The following WDPCP variants were observed in gnomAD, a reference collection of about 807,000 sequenced individuals.
WDPCP encodes WD repeat containing planar cell polarity effector.
A neutral mutation model predicts 93.1 loss-of-function variants in WDPCP; 71 were observed. The observed-to-expected ratio is 0.76, with a 90% confidence interval of 0.63 to 0.93. WDPCP has a LOEUF of 0.93. Among genes scored for constraint, WDPCP ranks in the 40% least tolerant of loss-of-function variants. The pLI is 0.00. For missense variants in WDPCP, 844 were observed against 887.4 expected (o/e 0.95, Z 0.62); for synonymous variants, 315 against 315.0 (o/e 1.00, Z 0.00).
At chr2:63,299,278 G>A (rs1685140454) in intron 13 of WDPCP, among the ~76,000 whole-genome samples, 1 of 152,178 alleles carries the variant, frequency 6.6e-6, no homozygotes, top group Non-Finnish European at 1.5e-5. Flanking sequence ...CAGCCCATTG[G>A]CTACTATGCC....
intron 12 of WDPCP, among the ~76,000 whole-genome samples, chr2:63,355,282 A>G (rs969295275): frequency 3.3e-5 from 5 of 152,200 alleles, no homozygotes; most frequent in African/African-American, 9.7e-5. Context: ...GAGATTGGGC[A>G]CCTATATTCA....
chr2:63,759,392 T>C (rs1670019163), intron 2 of WDPCP, among the ~76,000 whole-genome samples: 1 of 152,138 alleles, frequency 6.6e-6, no homozygotes, highest in Non-Finnish European at 1.5e-5. Flanking sequence ...GGACACTCCA[T>C]ATTAGGAAAT....
At chr2:63,415,138 G>T (rs1239798758) in intron 9 of WDPCP, among the ~76,000 whole-genome samples, 3 of 152,168 alleles carry the variant, frequency 2.0e-5, no homozygotes, top group Non-Finnish European at 2.9e-5. Flanking sequence ...AAGGCGGGAG[G>T]ATTACTTGAG....
intron 13 of WDPCP, among the ~76,000 whole-genome samples, chr2:63,272,441 A>G (rs760807436): frequency 5.9e-5 from 9 of 152,244 alleles, no homozygotes; most frequent in Non-Finnish European, 1.0e-4. Context: ...GAAACATGAA[A>G]AGGCAAGGAA....
chr2:63,493,835 T>A (rs904478690), intron 1 of WDPCP, among the ~76,000 whole-genome samples: 3 of 152,200 alleles, frequency 2.0e-5, no homozygotes, highest in Admixed American at 2.0e-4. Flanking sequence ...ATTTAAACTA[T>A]GGACATTTTC....
chr2:63,174,561 A>AT (rs1351390540), intron 15 of WDPCP, 109 bp downstream of exon 15: 1 of 1,484,960 alleles, frequency 6.7e-7, no homozygotes, highest in African/African-American at 1.4e-5. Flanking sequence ...AGAAATGCAA[A>AT]TTTTTCTCCT....
chr2:63,696,527 G>A (rs1019521835), intron 2 of WDPCP, among the ~76,000 whole-genome samples: 1 of 152,144 alleles, frequency 6.6e-6, no homozygotes, highest in Non-Finnish European at 1.5e-5. Flanking sequence ...GAAGACCACA[G>A]GAATAGAGCT....
intron 2 of WDPCP, among the ~76,000 whole-genome samples, chr2:63,747,890 A>T (rs1669822504): frequency 1.3e-5 from 2 of 152,056 alleles, no homozygotes; most frequent in African/African-American, 4.8e-5. Flanking sequence ...TATAATATAG[A>T]ATCTTCTAGT....
At chr2:63,228,848 T>G (rs1484274522) in intron 14 of WDPCP, 1 of 152,158 alleles carries the variant, frequency 6.6e-6, no homozygotes, top group Non-Finnish European at 1.5e-5. Flanking sequence ...GACACTTAGG[T>G]TGGTTCCAAG....
intron 3 of WDPCP, among the ~76,000 whole-genome samples, chr2:63,611,138 C>T (rs1324713317): frequency 2.0e-5 from 3 of 152,170 alleles, no homozygotes; most frequent in African/African-American, 4.8e-5. Flanking sequence ...TGCAGAGCCA[C>T]CCCATTCATT....
At chr2:63,716,137 C>A (rs1299130697) in intron 2 of WDPCP, among the ~76,000 whole-genome samples, 1 of 152,214 alleles carries the variant, frequency 6.6e-6, no homozygotes, top group Non-Finnish European at 1.5e-5. Flanking sequence ...CTCTGAGAAG[C>A]TGGTGGACTT....
chr2:63,788,310 G>T (rs939266447), intron 2 of WDPCP, among the ~76,000 whole-genome samples: 4 of 152,100 alleles, frequency 2.6e-5, no homozygotes, highest in African/African-American at 9.7e-5. Context: ...GACTCGCAGG[G>T]CATTAGCTAA....
intron 1 of WDPCP, among the ~76,000 whole-genome samples, chr2:63,511,653 T>G (rs1019346208): frequency 2.0e-5 from 3 of 152,178 alleles, no homozygotes; most frequent in African/African-American, 7.2e-5. Flanking sequence ...GGGGAAAGGA[T>G]TCCCTATTTA....
chr2:63,281,987 T>A (rs925080740), intron 13 of WDPCP, among the ~76,000 whole-genome samples: 4 of 150,778 alleles, frequency 2.7e-5, no homozygotes, highest in African/African-American at 9.7e-5. Context: ...AAAAAAAAAA[T>A]AAAATGAACC....
intron 12 of WDPCP, among the ~76,000 whole-genome samples, chr2:63,369,716 G>GA (rs1040318398): frequency 6.6e-6 from 1 of 151,988 alleles, no homozygotes; most frequent in African/African-American, 2.4e-5. Context: ...TCTCACAACA[G>GA]AAAAAAAGAG....
At chr2:63,831,726 A>C (rs72891011), upstream of WDPCP, among the ~76,000 whole-genome samples, 294 of 152,234 alleles carry the variant, frequency 1.9e-3, no homozygotes, top group African/African-American at 6.8e-3. Flanking sequence ...CAATATATTT[A>C]AATCATGGGT....
rs564445009 is a variant in WDPCP at position 63,213,509 on chromosome 2, C to A, written c.1916-38677G>T. Among the ~76,000 whole-genome samples the A allele has an allele frequency of 2.6e-5, 4 of 152,202 alleles. No homozygotes were observed. The South Asian group carries it at 8.3e-4, about 32-fold the overall frequency. ...GGAAACTTATAGCACTAAATGCCCA[C>A]AAGAGAAAGCAGGAAAGATCTAAAA... On this transcript the variant is annotated intron_variant, in intron 14 of 17. Coordinates refer to ENST00000272321, the MANE Select transcript of WDPCP (RefSeq NM_015910.7).
chr2:63,649,111 T>G (rs1710082540), intron 3 of WDPCP, among the ~76,000 whole-genome samples: 1 of 152,176 alleles, frequency 6.6e-6, no homozygotes, highest in Non-Finnish European at 1.5e-5. Flanking sequence ...GCAACTATCA[T>G]CACTACCTAC....
intron 9 of WDPCP, 56 bp from the exon 10 acceptor site, chr2:63,404,713 A>T (rs1046467933): frequency 2.3e-5 from 37 of 1,596,446 alleles, no homozygotes; most frequent in Non-Finnish European, 3.1e-5. Context: ...CTTCAACTTC[A>T]CACCTAGGAC....
Sources: gnomAD v4.1 joint callset for allele counts (sites outside exome capture counted in the v4.1 genomes callset) on GRCh38, gnomAD v4.1.1 for gene constraint, MANE v1.5 for transcripts, NCBI Gene and HGNC (gene_info 2026-07-23, HGNC 2026-07-21) for gene names.